Variants in IL1RAPL2 observed in about 807,000 individuals in gnomAD.
IL1RAPL2 encodes the protein X-linked interleukin-1 receptor accessory protein-like 2.
IL1RAPL2 carries 3 observed loss-of-function variants against 44.1 expected under a neutral mutation model. The ratio of observed to expected loss-of-function variants is 0.07; its 90% confidence interval spans 0.03 to 0.18. The LOEUF is 0.18. Ranked by LOEUF, IL1RAPL2 falls within the 10% of genes least tolerant of loss-of-function variation. IL1RAPL2 has a pLI of 1.00. For synonymous variants in IL1RAPL2, 181 were observed against 178.8 expected (o/e 1.01, Z -0.10); for missense variants, 391 against 496.4 (o/e 0.79, Z 2.02).
At chrX:104,999,142 G>C (rs1046581565) in intron 2 of IL1RAPL2, among the ~76,000 whole-genome samples, 1 of 111,820 alleles carries the variant, frequency 8.9e-6, no homozygotes, top group African/African-American at 3.2e-5. Flanking sequence ...CATAGGAGGA[G>C]GACTGATTAC....
chrX:105,308,212 A>C (rs144128170), intron 5 of IL1RAPL2, among the ~76,000 whole-genome samples: 41 of 111,764 alleles, frequency 3.7e-4, no homozygotes, highest in African/African-American at 1.3e-3. Flanking sequence ...ATAGGAAAAC[A>C]TGGCTCCCAT....
intron 2 of IL1RAPL2, among the ~76,000 whole-genome samples, chrX:104,709,840 T>A (rs1208458127): frequency 9.1e-6 from 1 of 110,362 alleles, no homozygotes; most frequent in Non-Finnish European, 1.9e-5. Flanking sequence ...AAAACAGCAA[T>A]GGTCATTGTT....
chrX:105,585,426 C>T (rs946261718), intron 6 of IL1RAPL2, among the ~76,000 whole-genome samples: 14 of 109,564 alleles, frequency 1.3e-4, no homozygotes, highest in Non-Finnish European at 2.3e-4. Flanking sequence ...CATAGGTAAA[C>T]GTGTGCCATG....
chrX:105,233,950 A>C lies in IL1RAPL2; in HGVS notation c.489A>C (p.Pro163=). ...CTAAAAGAAAGGAGATCTCCTGTCCAGACATGGATGACTTTAAAAAGTCCG... is the reference window on the plus strand; with the variant it reads ...CTAAAAGAAAGGAGATCTCCTGTCCCGACATGGATGACTTTAAAAAGTCCG... ...EVTKRKEISC[P]DMDDFKKSDQ... The change falls in exon 4 of 11, where the codon CCA becomes CCC. Residue 163 remains proline (P), a synonymous_variant. Coordinates refer to ENST00000372582, the MANE Select transcript of IL1RAPL2 (RefSeq NM_017416.2). 3.3e-6 allele frequency: 4 copies of C among 1,210,878 alleles called. No individual in the cohort carries two copies. Among genetic ancestry groups the C allele is most frequent in the Non-Finnish European group, 4.5e-6 (4 of 894,909 alleles).
At chrX:105,095,155 T>C (rs1432834976) in intron 2 of IL1RAPL2, among the ~76,000 whole-genome samples, 1 of 111,511 alleles carries the variant, frequency 9.0e-6, no homozygotes, top group Non-Finnish European at 1.9e-5. Flanking sequence ...TTTTATTCCA[T>C]TTTCTTGCCT....
At chrX:105,709,989 C>A (rs183393870) in intron 6 of IL1RAPL2, among the ~76,000 whole-genome samples, 2 of 111,060 alleles carry the variant, frequency 1.8e-5, no homozygotes, top group Non-Finnish European at 3.8e-5. Flanking sequence ...CAATTGTGTA[C>A]CAAAACAATA....
chrX:105,219,051 G>C, intron 3 of IL1RAPL2: 1 of 1,210,915 alleles, frequency 8.3e-7, no homozygotes. Flanking sequence ...ACCAAGGGCA[G>C]TCCCAGTCCC....
At chrX:105,098,999 G>T (rs1214282185) in intron 2 of IL1RAPL2, among the ~76,000 whole-genome samples, 3 of 112,331 alleles carry the variant, frequency 2.7e-5, no homozygotes, top group Non-Finnish European at 5.6e-5. Context: ...TATTCTCTGT[G>T]CATTGTTTTC....
intron 6 of IL1RAPL2, among the ~76,000 whole-genome samples, chrX:105,621,533 G>T (rs775317651): frequency 2.7e-5 from 3 of 111,514 alleles, no homozygotes; most frequent in African/African-American, 9.7e-5. Context: ...TAAGGCTCAA[G>T]CCCAAGGTAA....
intron 1 of IL1RAPL2, among the ~76,000 whole-genome samples, chrX:104,587,887 G>A (rs1042145088): frequency 7.1e-5 from 8 of 111,993 alleles, no homozygotes; most frequent in Non-Finnish European, 1.5e-4. Flanking sequence ...GTAACTGTAG[G>A]AAGAAGGGAG....
intron 4 of IL1RAPL2, 80 bp downstream of exon 4, chrX:105,234,084 C>A: frequency 1.3e-6 from 1 of 799,757 alleles, no homozygotes; most frequent in South Asian, 2.9e-5. Flanking sequence ...GATTTTTTTA[C>A]TAGTTTTTGG....
intron 2 of IL1RAPL2, among the ~76,000 whole-genome samples, chrX:104,839,436 G>C (rs983089048): frequency 3.6e-5 from 4 of 111,825 alleles, no homozygotes; most frequent in African/African-American, 9.8e-5. Context: ...GGATGAAGTT[G>C]ACTTGATTGT....
chrX:105,079,359 CAGAG>C lies in IL1RAPL2; in HGVS notation c.83-116112_83-116109del, dbSNP rs1241598743. 8.3e-5 allele frequency among the ~76,000 whole-genome samples: 9 copies of C among 108,861 alleles called. No homozygotes were observed. In the East Asian group the frequency reaches 2.5e-3, roughly 30 times the overall value. 94.5% of individuals were successfully genotyped at this position (108,861 alleles called of 115,157 possible). A position where few individuals can be genotyped will look rare whatever the true frequency, so the allele number is the denominator to read the frequency against. ...ATTATAAATCATTCTACTATAAAGA[CAGAG>C]AGACACATATGTTTATGGCTGCACT... On this transcript the variant is annotated intron_variant, in intron 2 of 10. Coordinates refer to ENST00000372582, the MANE Select transcript of IL1RAPL2 (RefSeq NM_017416.2).
At chrX:104,933,323 T>A (rs1334969430) in intron 2 of IL1RAPL2, among the ~76,000 whole-genome samples, 1 of 111,496 alleles carries the variant, frequency 9.0e-6, no homozygotes, top group Non-Finnish European at 1.9e-5. Flanking sequence ...TTTCCCCCCA[T>A]GCAGTCTAAA....
chrX:105,318,088 TCAGCCTCC>T (rs1170410741), intron 5 of IL1RAPL2, among the ~76,000 whole-genome samples: 1 of 109,111 alleles, frequency 9.2e-6, no homozygotes, highest in Non-Finnish European at 1.9e-5. Flanking sequence ...TTCTCCTGCC[TCAGCCTCC>T]CGAGTAGCTG....
chrX:104,594,391 C>G (rs763342999), intron 1 of IL1RAPL2, among the ~76,000 whole-genome samples: 20 of 111,693 alleles, frequency 1.8e-4, no homozygotes, highest in African/African-American at 5.8e-4. Flanking sequence ...GCCTAAGTTT[C>G]TATATAACTT....
At chrX:104,802,715 C>T (rs961525397) in intron 2 of IL1RAPL2, among the ~76,000 whole-genome samples, 4 of 111,614 alleles carry the variant, frequency 3.6e-5, no homozygotes, top group African/African-American at 1.3e-4. Context: ...TTAGCCATTC[C>T]CATTATCTGT....
At chrX:105,595,882 G>A (rs892292075) in intron 6 of IL1RAPL2, among the ~76,000 whole-genome samples, 8 of 111,181 alleles carry the variant, frequency 7.2e-5, no homozygotes, top group African/African-American at 2.6e-4. Flanking sequence ...TCTTCTTGAT[G>A]CAATTTTGGT....
Position 105,699,354 on chromosome X carries a change from G to A in IL1RAPL2, c.773-18013G>A, listed in dbSNP as rs1219068692. Among the ~76,000 whole-genome samples the A allele has an allele frequency of 2.7e-5, 3 of 111,207 alleles. No individual in the cohort carries two copies. In the East Asian group the frequency reaches 8.5e-4, roughly 32 times the overall value. The stretch of plus-strand genomic sequence containing the variant: ...TCACTCATTCAGTCTTTCAGCAAAT[G>A]TTTATGAGAGCCTACTACGTGTCAA... On this transcript the variant is annotated intron_variant, in intron 6 of 10. Coordinates refer to ENST00000372582, the MANE Select transcript of IL1RAPL2 (RefSeq NM_017416.2).
Sources: allele counts gnomAD v4.1 joint callset (sites outside exome capture counted in the v4.1 genomes callset), GRCh38; gene constraint gnomAD v4.1.1; transcripts MANE v1.5; gene names NCBI Gene and HGNC (gene_info 2026-07-23, HGNC 2026-07-21).